Variants in FLT1 observed in about 807,000 individuals in gnomAD.
FLT1 encodes the protein vascular endothelial growth factor receptor 1.
Under a neutral mutation model 156.3 loss-of-function variants are expected in FLT1, and 49 were observed. That is an observed-to-expected ratio of 0.31 (90% CI 0.25 to 0.40). The LOEUF is 0.40. FLT1 is among the 10% of genes least tolerant of loss of function. The pLI, the probability that FLT1 is intolerant of heterozygous loss-of-function variation, is 1.00. For missense variants in FLT1, 1,322 were observed against 1,637.2 expected (o/e 0.81, Z 3.32); for synonymous variants, 594 against 583.8 (o/e 1.02, Z -0.25).
Position 28,306,690 on chromosome 13 carries a change from G to A in FLT1, c.3803C>T (p.Ser1268Leu), listed in dbSNP as rs368266056. 40 of 1,611,554 alleles carry A rather than the reference G, an allele frequency of 2.5e-5. No homozygotes were observed. Among genetic ancestry groups the A allele is most frequent in the African/African-American group, 1.1e-4 (8 of 74,832 alleles). Reference protein sequence around the residue: ...FTWTDSKPKASLKIDLRVTSK... With the variant: ...FTWTDSKPKALLKIDLRVTSK... ...ACCCAATTCTTACTCAATCTTGAGC[G>A]AGGCCTTGGGTTTGCTGTCAGTCCA... The change falls in exon 29 of 30, where the codon TCG becomes TTG. Residue 1268 changes from serine (S) to leucine (L), a missense_variant. By Grantham distance (145) the Ser-to-Leu change is moderately radical (BLOSUM62 -2). This residue lies in a region of FLT1 where 329 missense variants were observed against 366.2 expected (regional missense o/e 0.90). Transcript: ENST00000282397.
intron 24 of FLT1, among the ~76,000 whole-genome samples, chr13:28,318,326 C>T (rs188882051): frequency 7.9e-4 from 120 of 152,070 alleles, no homozygotes; most frequent in Non-Finnish European, 1.3e-3. Flanking sequence ...GGGGGCTGCC[C>T]GTGGCCAGGA....
chr13:28,317,598 C>T lies in FLT1; in HGVS notation c.3287-1G>A. ...TGTACTCCTGGGTATGGAGACCCAC[C>T]TGCGGGAGACAATGTGGAAAACACA... On this transcript the variant is annotated splice_acceptor_variant, in intron 24 of 29. Coordinates refer to ENST00000282397, the MANE Select transcript of FLT1 (RefSeq NM_002019.4). LOFTEE classifies it high-confidence loss of function. 1 of 1,604,568 alleles carries T rather than the reference C, an allele frequency of 6.2e-7. No homozygotes were observed. The highest frequency in any genetic ancestry group is 8.5e-7 in the Non-Finnish European group (1 of 1,171,234).
At chr13:28,464,557 T>C (rs950855743) in intron 3 of FLT1, among the ~76,000 whole-genome samples, 2 of 152,278 alleles carry the variant, frequency 1.3e-5, no homozygotes, top group African/African-American at 4.8e-5. Flanking sequence ...TGCAAGGCAC[T>C]GTACCAGGGA....
At chr13:28,410,139 C>A (rs1876066795) in intron 10 of FLT1, among the ~76,000 whole-genome samples, 1 of 152,168 alleles carries the variant, frequency 6.6e-6, no homozygotes, top group Non-Finnish European at 1.5e-5. Flanking sequence ...TGTGCTTTTT[C>A]TTAATTGCTG....
intron 14 of FLT1, among the ~76,000 whole-genome samples, chr13:28,382,619 A>G (rs1874125314): frequency 6.6e-6 from 1 of 152,222 alleles, no homozygotes; most frequent in South Asian, 2.1e-4. Flanking sequence ...GAAGGTGTTC[A>G]GAGGCTAGGT....
rs561880240 is a variant in FLT1, at chr13:28,312,002, A to C, written c.3483T>G (p.Asn1161Lys). ...VEKLGDLLQA[N>K]VQQDGKDYIP... ...ATAAATTTAGTTTTACCTGTTGTACATTTGCTTGAAGCAAATCACCTAGTT... is the reference window on the plus strand; with the variant it reads ...ATAAATTTAGTTTTACCTGTTGTACCTTTGCTTGAAGCAAATCACCTAGTT... The change falls in exon 26 of 30, where the codon AAT becomes AAG. Residue 1161 changes from asparagine (N) to lysine (K), a missense_variant. Asn to Lys is a moderately conservative substitution (Grantham distance 94, BLOSUM62 0). This residue lies in a region of FLT1 where 329 missense variants were observed against 366.2 expected (regional missense o/e 0.90). Coordinates refer to ENST00000282397, the MANE Select transcript of FLT1 (RefSeq NM_002019.4). 6.2e-7 allele frequency: 1 copy of C among 1,609,764 alleles called. No individual in the cohort carries two copies. Among genetic ancestry groups the C allele is most frequent in the East Asian group, 2.2e-5 (1 of 44,876 alleles).
chr13:28,486,752 A>G (rs1257928333), intron 1 of FLT1, among the ~76,000 whole-genome samples: 1 of 152,158 alleles, frequency 6.6e-6, no homozygotes, highest in Non-Finnish European at 1.5e-5. Context: ...TTTCTTGCAC[A>G]CTCTACTAGC....
At chr13:28,392,533 G>A (rs1874801739) in intron 12 of FLT1, among the ~76,000 whole-genome samples, 1 of 152,142 alleles carries the variant, frequency 6.6e-6, no homozygotes, top group South Asian at 2.1e-4. Context: ...GAACCCAAGT[G>A]AGCCCAAGTA....
chr13:28,348,852 T>TGA (rs1872648795), intron 15 of FLT1, among the ~76,000 whole-genome samples: 1 of 150,876 alleles, frequency 6.6e-6, no homozygotes, highest in Non-Finnish European at 1.5e-5. Context: ...GAGGTTGCAG[T>TGA]GAGCCGAGAT....
At chr13:28,308,023 T>C (rs192656532) in intron 28 of FLT1, among the ~76,000 whole-genome samples, 183 of 152,294 alleles carry the variant, frequency 1.2e-3, no homozygotes, top group African/African-American at 4.0e-3. Flanking sequence ...CCGCCTGCCT[T>C]GGCCTCCCAA....
chr13:28,303,495 C>CCT (rs1555297822), intron 29 of FLT1, 127 bp from the exon 30 acceptor site: 5 of 796,312 alleles, frequency 6.3e-6, no homozygotes, highest in Admixed American at 6.2e-5. Context: ...TTTTGGAACC[C>CCT]CCCCCCCCTC....
rs377727670 is a variant in FLT1 at position 28,387,264 on chromosome 13, G to C, written c.1970-2233C>G. 5.5e-4 allele frequency: 576 copies of C among 1,041,412 alleles called. 12 individuals are homozygous for C. In the South Asian group the frequency reaches 0.023, roughly 42 times the overall value. The allele number at this position is 1,041,412 out of a possible 1,614,324, so 64.5% of individuals were successfully genotyped here. On this transcript the variant is annotated intron_variant, in intron 13 of 29. Transcript: ENST00000282397. ...TGCATTTTTCTTTGTACCCATTTCT[G>C]AAAAATGTTCTACATTAAAAGTCTC...
Position 28,389,862 on chromosome 13 carries a change from C to A in FLT1, c.1903G>T (p.Ala635Ser). The A allele has an allele frequency of 6.2e-7, 1 of 1,614,102 alleles. No homozygotes were observed. The highest frequency in any genetic ancestry group is 1.7e-5 in the Admixed American group (1 of 60,022). ...NVSLQDSGTY[A>S]CRARNVYTGE... is the part of the protein sequence containing the mutation. The stretch of plus-strand genomic sequence containing the variant: ...GTGTATACATTCCTGGCTCTGCAGG[C>A]ATAGGTGCCTGAATCTTGCAGGGAA... The change falls in exon 13 of 30, where the codon GCC becomes TCC. Residue 635 changes from alanine to serine, a missense_variant. Physicochemically the swap from Ala to Ser is moderately conservative, Grantham distance 99. This residue lies in a region of FLT1 where 991 missense variants were observed against 1,254.8 expected (regional missense o/e 0.79). Transcript: ENST00000282397.
At chr13:28,342,836 T>A (rs559836398) in intron 16 of FLT1, among the ~76,000 whole-genome samples, 2 of 152,350 alleles carry the variant, frequency 1.3e-5, no homozygotes, top group South Asian at 4.1e-4. Flanking sequence ...AGGGCTAATC[T>A]CTAGAAATTG....
Position 28,494,769 on chromosome 13 carries a change from C to T in FLT1, c.64+11G>A. On this transcript the variant is annotated intron_variant, in intron 1 of 29. Coordinates refer to ENST00000282397, the MANE Select transcript of FLT1 (RefSeq NM_002019.4). ...GCCCGCCTCAGGCCCCGGCCCCCAGCCGCGCCTCACCTGTGAGAAGCAGAC... is the reference window on the plus strand; with the variant it reads ...GCCCGCCTCAGGCCCCGGCCCCCAGTCGCGCCTCACCTGTGAGAAGCAGAC... The T allele has an allele frequency of 1.3e-6, 2 of 1,551,904 alleles. No individual in the cohort carries two copies.
At chr13:28,304,644 G>A (rs944695443) in intron 29 of FLT1, among the ~76,000 whole-genome samples, 4 of 152,034 alleles carry the variant, frequency 2.6e-5, no homozygotes, top group Admixed American at 6.5e-5. Flanking sequence ...ACTTTAGAGC[G>A]TTGTCATCAT....
At position 28,300,359 on chromosome 13, in the gene FLT1, G is replaced by A. The variant is rs1403753758; in HGVS notation, c.*2808C>T. 4.3e-6 allele frequency: 1 copy of A among 233,032 alleles called. No homozygotes were observed. Among genetic ancestry groups the A allele is most frequent in the Non-Finnish European group, 8.5e-6 (1 of 118,040 alleles). The allele number at this position is 233,032 out of a possible 1,614,324, so 14.4% of individuals were successfully genotyped here. The stretch of plus-strand genomic sequence containing the variant: ...GGAGAAAATATATGTGTTTTTGGAA[G>A]TTTATTATATGAAGATGGTATACAA... On this transcript the variant is annotated 3_prime_UTR_variant, in exon 30 of 30. Coordinates refer to ENST00000282397, the MANE Select transcript of FLT1 (RefSeq NM_002019.4).
intron 3 of FLT1, among the ~76,000 whole-genome samples, chr13:28,453,638 T>C (rs1410850064): frequency 6.6e-6 from 1 of 152,212 alleles, no homozygotes; most frequent in Non-Finnish European, 1.5e-5. Context: ...TTCACTGCTC[T>C]AGTTTGTTGG....
At chr13:28,385,947 G>A (rs1307009562) in intron 13 of FLT1, 5 of 1,049,454 alleles carry the variant, frequency 4.8e-6, no homozygotes, top group East Asian at 5.5e-5. Context: ...AAGCTTCCAA[G>A]GTAAAAAATA....
Sources: allele counts gnomAD v4.1 joint callset (sites outside exome capture counted in the v4.1 genomes callset), GRCh38; gene constraint gnomAD v4.1.1; regional missense constraint gnomAD v4.1.1; transcripts MANE v1.5; gene names NCBI Gene and HGNC (gene_info 2026-07-23, HGNC 2026-07-21).